The following CRELD1 variants were observed in gnomAD, a reference collection of about 807,000 sequenced individuals.
CRELD1 encodes the protein protein disulfide isomerase CRELD1.
CRELD1 carries 42 observed loss-of-function variants against 58.2 expected under a neutral mutation model. The ratio of observed to expected loss-of-function variants is 0.72; its 90% CI spans 0.56 to 0.93. The LOEUF (loss-of-function observed/expected upper bound fraction) is 0.93, where lower values mean the gene tolerates loss of function less well. Ranked by LOEUF, CRELD1 falls within the 40% of genes least tolerant of loss-of-function variation. The probability of loss-of-function intolerance (pLI) is 0.00; values close to 1 mark genes in which losing one functional copy is unlikely to be tolerated. For missense variants in CRELD1, 500 were observed against 540.6 expected, an observed-to-expected ratio of 0.92 and a Z score of 0.74; for synonymous variants, 222 against 202.0, an observed-to-expected ratio of 1.10 and a Z score of -0.84.
In CRELD1 at chr3:9,939,900, T is replaced by C. The variant is rs1217254725; in HGVS notation, c.461-950T>C. Among the ~76,000 whole-genome samples the C allele has an allele frequency of 3.7e-5, 5 of 135,868 alleles. No homozygotes were observed. The South Asian group carries it at 1.2e-3, about 33-fold the overall frequency. The allele number at this position is 135,868 out of a possible 152,430, so 89.1% of individuals were successfully genotyped here. On this transcript the variant is annotated intron_variant, in intron 5 of 10. Coordinates refer to ENST00000452070, the MANE Select transcript of CRELD1 (RefSeq NM_001077415.3). Reference sequence around the variant, plus strand: ...GGCAGAGGGGCTCCTCACTTCCCAGTAGGGGCAGCCGGGCAGAGGCGCCCC... The same window carrying C: ...GGCAGAGGGGCTCCTCACTTCCCAGCAGGGGCAGCCGGGCAGAGGCGCCCC...
chr3:9,934,861 C>T lies in CRELD1; in HGVS notation c.201C>T (p.Asn67=). The stretch of plus-strand genomic sequence containing the variant: ...GCCTGGAGAGAACCATCCGGGACAA[C>T]TTTGGAGGTGGAAACACTGCCTGGG... ...NKGLERTIRD[N]FGGGNTAWEE... is the part of the protein sequence containing the mutation. The change falls in exon 3 of 11, where the codon AAC becomes AAT. Residue 67 remains asparagine (N), a synonymous_variant. Coordinates refer to ENST00000452070, the MANE Select transcript of CRELD1 (RefSeq NM_001077415.3). 1 of 1,613,140 alleles carries T rather than the reference C, an allele frequency of 6.2e-7. No homozygotes were observed. Among genetic ancestry groups the T allele is most frequent in the South Asian group, 1.1e-5 (1 of 90,864 alleles).
chr3:9,934,355 C>G (rs1045635636), intron 1 of CRELD1, 65 bp from the exon 2 acceptor site: 9 of 1,304,486 alleles, frequency 6.9e-6, no homozygotes, highest in Non-Finnish European at 1.0e-5. Flanking sequence ...TTAGAACAGA[C>G]CTTTTTCTTT....
intron 5 of CRELD1, among the ~76,000 whole-genome samples, chr3:9,939,335 G>GT (rs1410541973): frequency 1.3e-5 from 2 of 151,546 alleles, no homozygotes; most frequent in Non-Finnish European, 2.9e-5. Flanking sequence ...TGTTTTTTTT[G>GT]TTTTTTTGTC....
chr3:9,944,744 GC>G lies in CRELD1; in HGVS notation c.*169del. The stretch of plus-strand genomic sequence containing the variant: ...AGGTACCCAGGCCCGGGCAGACAAG[GC>G]CCCTGGGGTAAAAAGTAGCCCTGAA... On this transcript the variant is annotated 3_prime_UTR_variant, in exon 11 of 11. Coordinates refer to ENST00000452070, the MANE Select transcript of CRELD1 (RefSeq NM_001077415.3). 1.5e-6 allele frequency: 1 copy of G among 679,560 alleles called. No homozygotes were observed. 42.1% of individuals were successfully genotyped at this position (679,560 alleles called of 1,614,324 possible).
chr3:9,934,145 C>T (rs1001841298), intron 1 of CRELD1: 3 of 493,942 alleles, frequency 6.1e-6, no homozygotes, highest in Non-Finnish European at 1.1e-5. Context: ...CTTTATCAGA[C>T]CCTCAGACAA....
At chr3:9,938,321 A>G (rs1559335945) in intron 5 of CRELD1, 2 of 575,682 alleles carry the variant, frequency 3.5e-6, no homozygotes, top group Non-Finnish European at 6.2e-6. Context: ...CATATGCAGT[A>G]TAGTTATCAT....
At position 9,944,532 on chromosome 3, in the gene CRELD1, T is replaced by G; in HGVS notation, c.1216T>G (p.Ser406Ala). ...AVAAMTGYWL[S>A]ERSDRVLEGF... is the part of the protein sequence containing the mutation. ...GGCGGCCATGACTGGCTACTGGTTGTCAGAGCGCAGTGACCGTGTGCTGGA... is the reference window on the plus strand; with the variant it reads ...GGCGGCCATGACTGGCTACTGGTTGGCAGAGCGCAGTGACCGTGTGCTGGA... Residue 406 changes from serine to alanine, a missense_variant, in exon 11 of 11, where the codon TCA becomes GCA. Ser to Ala is a moderately conservative substitution (Grantham distance 99). Transcript: ENST00000452070. 1.2e-6 allele frequency: 2 copies of G among 1,611,834 alleles called. No homozygotes were observed. Among genetic ancestry groups the G allele is most frequent in the East Asian group, 4.5e-5 (2 of 44,884 alleles).
chr3:9,937,220 G>A (rs1285167702), intron 3 of CRELD1, among the ~76,000 whole-genome samples: 1 of 152,100 alleles, frequency 6.6e-6, no homozygotes, highest in Non-Finnish European at 1.5e-5. Context: ...CTTGTTATAG[G>A]ATGTATTTTT....
intron 5 of CRELD1, among the ~76,000 whole-genome samples, 170 bp from the exon 6 acceptor site, chr3:9,940,680 A>G (rs1017848384): frequency 1.6e-5 from 2 of 123,800 alleles, no homozygotes; most frequent in African/African-American, 5.9e-5. Context: ...GAGGGAGACC[A>G]TGGGGAGAGG....
intron 3 of CRELD1, among the ~76,000 whole-genome samples, chr3:9,935,439 G>A (rs910832125): frequency 1.3e-5 from 2 of 152,188 alleles, no homozygotes; most frequent in Admixed American, 6.5e-5. Flanking sequence ...AGCAGAAAAA[G>A]TGATACTGTC....
intron 3 of CRELD1, among the ~76,000 whole-genome samples, chr3:9,936,461 G>A (rs967705026): frequency 6.6e-6 from 1 of 151,604 alleles, no homozygotes; most frequent in African/African-American, 2.4e-5. Flanking sequence ...TTATATATGT[G>A]TGTATATATA....
At chr3:9,935,493 C>T (rs895168752) in intron 3 of CRELD1, among the ~76,000 whole-genome samples, 5 of 151,910 alleles carry the variant, frequency 3.3e-5, no homozygotes, top group Admixed American at 1.3e-4. Context: ...ATGTAGCAAA[C>T]GGATTGTAAG....
At chr3:9,943,605 T>G (rs1575652297) in intron 10 of CRELD1, 90 bp downstream of exon 10, 1 of 1,600,978 alleles carries the variant, frequency 6.2e-7, no homozygotes, top group East Asian at 2.2e-5. Flanking sequence ...CTCCAGGCCC[T>G]GCCCCATCCC....
chr3:9,934,179 C>T (rs548860056), intron 1 of CRELD1: 64 of 550,300 alleles, frequency 1.2e-4, no homozygotes, highest in African/African-American at 1.1e-3. Flanking sequence ...GCCCCCTTGT[C>T]AAGGAGCGAG....
rs1334396353 is a variant in CRELD1 at position 9,940,843 on chromosome 3, C to T, written c.461-7C>T. The T allele has an allele frequency of 1.9e-6, 3 of 1,605,002 alleles. No homozygotes were observed. Among genetic ancestry groups the T allele is most frequent in the Non-Finnish European group, 2.6e-6 (3 of 1,175,390 alleles). On this transcript the variant is annotated splice_region_variant and splice_polypyrimidine_tract_variant and intron_variant, in intron 5 of 10. Transcript: ENST00000452070. The stretch of plus-strand genomic sequence containing the variant: ...ATGACCTCACCTGGTTTGGTGTCTT[C>T]CCACAGCCTGTCCTGGGGGAACAGA...
chr3:9,937,599 A>G lies in CRELD1; in HGVS notation c.295A>G (p.Ser99Gly). ...RLVEVLEGVC[S>G]KSDFECHRLL... ...GGTAGAGGTGCTGGAGGGTGTGTGC[A>G]GCAAGTCAGACTTCGAGTGCCACCG... The change falls in exon 4 of 11, where the codon AGC (serine) becomes GGC (glycine). Residue 99 changes from serine to glycine, a missense_variant. Transcript: ENST00000452070. 6.2e-7 allele frequency: 1 copy of G among 1,612,718 alleles called. No individual in the cohort carries two copies. The highest frequency in any genetic ancestry group is 1.1e-5 in the South Asian group (1 of 90,488).
chr3:9,934,568 C>T lies in CRELD1; in HGVS notation c.130C>T (p.His44Tyr). The change falls in exon 2 of 11, where the codon CAT (histidine) becomes TAT (tyrosine). Residue 44 changes from histidine to tyrosine, a missense_variant. By Grantham distance (83) the His-to-Tyr change is moderately conservative. Coordinates refer to ENST00000452070, the MANE Select transcript of CRELD1 (RefSeq NM_001077415.3). ...PPQSSPPPQP[H>Y]PCHTCRGLVD... ...CCAGTCTTCTCCCCCGCCTCAGCCCCATCCGTGTCATACCTGCCGGGGACT... is the reference window on the plus strand; with the variant it reads ...CCAGTCTTCTCCCCCGCCTCAGCCCTATCCGTGTCATACCTGCCGGGGACT... 1.2e-6 allele frequency: 2 copies of T among 1,614,162 alleles called. No individual in the cohort carries two copies. Among genetic ancestry groups the T allele is most frequent in the Non-Finnish European group, 1.7e-6 (2 of 1,180,022 alleles).
chr3:9,943,901 G>C (rs1378611176), intron 10 of CRELD1: 1 of 1,599,418 alleles, frequency 6.3e-7, no homozygotes, highest in Non-Finnish European at 8.6e-7. Flanking sequence ...TGCTGTTCTA[G>C]GTGCATTCCC....
At position 9,937,556 on chromosome 3, in the gene CRELD1, G is replaced by T. The variant is rs573320219; in HGVS notation, c.258-6G>T. 1.9e-6 allele frequency: 3 copies of T among 1,604,130 alleles called. No homozygotes were observed. Among genetic ancestry groups the T allele is most frequent in the African/African-American group, 2.7e-5 (2 of 74,868 alleles). ...GTTTCCCACCAGCCCTGCCCTGTCC[G>T]ATCAGTGAGACCCGCCTGGTAGAGG... On this transcript the variant is annotated splice_region_variant and splice_polypyrimidine_tract_variant and intron_variant, in intron 3 of 10. Coordinates refer to ENST00000452070, the MANE Select transcript of CRELD1 (RefSeq NM_001077415.3).
Sources: allele counts gnomAD v4.1 joint callset (sites outside exome capture counted in the v4.1 genomes callset), GRCh38; gene constraint gnomAD v4.1.1; transcripts MANE v1.5; gene names NCBI Gene and HGNC (gene_info 2026-07-23, HGNC 2026-07-21).